Variants in LRRC28 observed in about 807,000 individuals in gnomAD.
LRRC28 encodes leucine rich repeat containing 28.
In LRRC28, 39 loss-of-function variants were observed where a neutral mutation model predicts 45.7. The ratio of observed to expected loss-of-function variants is 0.85; its 90% CI spans 0.66 to 1.12. The LOEUF is 1.12. Among genes scored for constraint, LRRC28 ranks in the 50% most tolerant of loss-of-function variants. LRRC28 has a pLI of 0.00. For missense variants in LRRC28, 435 were observed against 438.5 expected (o/e 0.99, Z 0.07); for synonymous variants, 206 against 178.8 (o/e 1.15, Z -1.22).
chr15:99,290,619 A>G (rs1740496192), intron 5 of LRRC28, among the ~76,000 whole-genome samples: 1 of 152,196 alleles, frequency 6.6e-6, no homozygotes, highest in Non-Finnish European at 1.5e-5. Flanking sequence ...TGCTGTATTT[A>G]TGAACTTTTT....
intron 6 of LRRC28, among the ~76,000 whole-genome samples, chr15:99,336,660 C>A (rs747340584): frequency 6.6e-6 from 1 of 152,156 alleles, no homozygotes; most frequent in Non-Finnish European, 1.5e-5. Flanking sequence ...ACCAGGTGCT[C>A]CCAATTACTT....
intron 6 of LRRC28, among the ~76,000 whole-genome samples, chr15:99,350,827 G>C (rs1956854681): frequency 6.6e-6 from 1 of 151,962 alleles, no homozygotes; most frequent in Non-Finnish European, 1.5e-5. Context: ...TTTAGTCAGG[G>C]TCTGGCTCTG....
chr15:99,366,851 C>G (rs903485771), intron 9 of LRRC28, among the ~76,000 whole-genome samples: 13 of 151,778 alleles, frequency 8.6e-5, no homozygotes, highest in African/African-American at 2.9e-4. Context: ...ACAATTCAAC[C>G]CATAACAGTC....
intron 5 of LRRC28, among the ~76,000 whole-genome samples, chr15:99,316,761 C>G (rs1042343234): frequency 6.7e-6 from 1 of 150,168 alleles, no homozygotes; most frequent in Admixed American, 6.6e-5. Flanking sequence ...AGGAGAACTA[C>G]AAGAATAAAA....
Position 99,387,200 on chromosome 15 carries a change from A to G in LRRC28, c.*1098A>G, listed in dbSNP as rs1310731067. ...CTCAGCCTCCCAAGTAGCTGGGACC[A>G]CAGGCGCCCGCCACCACGCCCGGCT... On this transcript the variant is annotated 3_prime_UTR_variant, in exon 10 of 10. Coordinates refer to ENST00000301981, the MANE Select transcript of LRRC28 (RefSeq NM_144598.5). The G allele has an allele frequency of 6.2e-5, 9 of 144,894 alleles. No homozygotes were observed. Among genetic ancestry groups the G allele is most frequent in the East Asian group, 2.1e-4 (1 of 4,850 alleles). The allele number at this position is 144,894 out of a possible 1,614,324, so 9.0% of individuals were successfully genotyped here. A position where few individuals can be genotyped will look rare whatever the true frequency, so the allele number is the denominator to read the frequency against.
chr15:99,258,121 C>T (rs183510339), intron 2 of LRRC28: 1 of 1,603,462 alleles, frequency 6.2e-7, no homozygotes, highest in East Asian at 2.2e-5. Context: ...GTACCATAGC[C>T]AAATCTTGAA....
At chr15:99,289,444 CAA>C (rs1053673248) in intron 5 of LRRC28, among the ~76,000 whole-genome samples, 1 of 152,072 alleles carries the variant, frequency 6.6e-6, no homozygotes, top group Non-Finnish European at 1.5e-5. Flanking sequence ...AATAAAATTA[CAA>C]ATTACTACCT....
chr15:99,366,603 C>G (rs1019483144), intron 9 of LRRC28, among the ~76,000 whole-genome samples: 2 of 152,142 alleles, frequency 1.3e-5, no homozygotes, highest in African/African-American at 2.4e-5. Flanking sequence ...AACTTCTCAT[C>G]GTCTCCTTAC....
chr15:99,327,774 T>C (rs1396120333), intron 5 of LRRC28, among the ~76,000 whole-genome samples: 3 of 152,214 alleles, frequency 2.0e-5, no homozygotes, highest in East Asian at 3.9e-4. Context: ...TTTTAGTTTT[T>C]ACTTTTTCTT....
At chr15:99,344,739 A>T (rs1956626422) in intron 6 of LRRC28, among the ~76,000 whole-genome samples, 2 of 152,188 alleles carry the variant, frequency 1.3e-5, no homozygotes, top group African/African-American at 4.8e-5. Context: ...CTCTTATTTA[A>T]CTGTATTGTA....
intron 5 of LRRC28, among the ~76,000 whole-genome samples, chr15:99,324,906 A>G (rs1159747999): frequency 6.6e-6 from 1 of 152,210 alleles, no homozygotes; most frequent in Non-Finnish European, 1.5e-5. Context: ...CAGGAATACA[A>G]CATTAATTTC....
intron 3 of LRRC28, chr15:99,284,794 A>G: frequency 5.6e-6 from 3 of 537,394 alleles, no homozygotes; most frequent in South Asian, 4.1e-5. Context: ...CAATTGTCAA[A>G]ATCATTGTAG....
At chr15:99,292,720 T>C (rs1163144763) in intron 5 of LRRC28, among the ~76,000 whole-genome samples, 1 of 152,220 alleles carries the variant, frequency 6.6e-6, no homozygotes, top group Non-Finnish European at 1.5e-5. Context: ...TATGTCCACA[T>C]ATAGCTTTCA....
chr15:99,373,736 G>T lies in LRRC28; in HGVS notation c.1031+10471G>T, dbSNP rs139788009. 4.1e-4 allele frequency among the ~76,000 whole-genome samples: 62 copies of T among 152,048 alleles called. 1 individual carries two copies. Among genetic ancestry groups the T allele is most frequent in the Non-Finnish European group, 6.3e-4 (43 of 67,974 alleles). ...AAATTTACAGAATTTCCTGAGTTAA[G>T]AAAAAAATTCAAAAGTGATGCTTGC... On this transcript the variant is annotated intron_variant, in intron 9 of 9. Coordinates refer to ENST00000301981, the MANE Select transcript of LRRC28 (RefSeq NM_144598.5).
In LRRC28 at chr15:99,328,353, TC is replaced by T. The variant is rs541394150; in HGVS notation, c.386-5568del. Reference sequence around the variant, plus strand: ...AAGTCACAATTGTGAAAGATCAAAATCCTGAATGTTGAAATCCTGAAAGCCG... The same window carrying T: ...AAGTCACAATTGTGAAAGATCAAAATCTGAATGTTGAAATCCTGAAAGCCG... On this transcript the variant is annotated intron_variant, in intron 5 of 9. Transcript: ENST00000301981. Among the ~76,000 whole-genome samples the T allele has an allele frequency of 5.3e-5, 8 of 152,242 alleles. No homozygotes were observed. The South Asian group carries it at 1.7e-3, about 32-fold the overall frequency.
intron 2 of LRRC28, among the ~76,000 whole-genome samples, chr15:99,262,173 C>G (rs1416569030): frequency 6.6e-6 from 1 of 152,136 alleles, no homozygotes; most frequent in Non-Finnish European, 1.5e-5. Context: ...TCTCATTCCA[C>G]TAACCTCTAG....
chr15:99,365,841 A>G (rs1236956108), intron 9 of LRRC28, among the ~76,000 whole-genome samples: 1 of 152,242 alleles, frequency 6.6e-6, no homozygotes, highest in East Asian at 1.9e-4. Context: ...CATAAACAGT[A>G]AATACCCAAA....
At chr15:99,292,408 A>G (rs1318789896) in intron 5 of LRRC28, among the ~76,000 whole-genome samples, 1 of 137,504 alleles carries the variant, frequency 7.3e-6, no homozygotes, top group East Asian at 2.3e-4. Flanking sequence ...CCCAGGCCGG[A>G]CTGCGGACTG....
intron 2 of LRRC28, among the ~76,000 whole-genome samples, chr15:99,263,473 T>C (rs1235921996): frequency 1.3e-5 from 2 of 152,196 alleles, no homozygotes; most frequent in East Asian, 3.8e-4. Context: ...TAAATAGATA[T>C]TAGAAGTAAT....
Sources: allele counts gnomAD v4.1 joint callset (sites outside exome capture counted in the v4.1 genomes callset), GRCh38; gene constraint gnomAD v4.1.1; transcripts MANE v1.5; gene names NCBI Gene and HGNC (gene_info 2026-07-23, HGNC 2026-07-21).